VPS33A: variants seen among roughly 807,000 people sequenced by gnomAD.
VPS33A encodes vacuolar protein sorting-associated protein 33A.
In VPS33A, 32 loss-of-function variants were observed where a neutral mutation model predicts 71.8. The ratio of observed to expected loss-of-function variants is 0.45; its 90% confidence interval spans 0.34 to 0.60. VPS33A has a LOEUF of 0.60. VPS33A is among the 20% of genes least tolerant of loss of function. The probability of loss-of-function intolerance (pLI) is 0.02; values close to 1 mark genes in which losing one functional copy is unlikely to be tolerated. For synonymous variants in VPS33A, 311 were observed against 292.7 expected (o/e 1.06, Z -0.64); for missense variants, 625 against 748.5 (o/e 0.84, Z 1.92).
At chr12:122,251,150 C>T (rs1030037194) in intron 4 of VPS33A, 51 bp from the exon 5 acceptor site, 1 of 1,287,948 alleles carries the variant, frequency 7.8e-7, no homozygotes, top group African/African-American at 1.5e-5. Context: ...CTCCCAGGGG[C>T]CCATCTCTGT....
At position 122,238,996 on chromosome 12, in the gene VPS33A, TACAC is replaced by T. The variant is rs68026867; in HGVS notation, c.1165-276_1165-273del. Among the ~76,000 whole-genome samples the T allele has an allele frequency of 0.037, 5,136 of 137,112 alleles. 241 individuals carry two copies. Among genetic ancestry groups the T allele is most frequent in the African/African-American group, 0.11 (4,318 of 37,946 alleles). The allele number at this position is 137,112 out of a possible 152,430, so 90.0% of individuals were successfully genotyped here. A position where few individuals can be genotyped will look rare whatever the true frequency, so the allele number is the denominator to read the frequency against. The stretch of plus-strand genomic sequence containing the variant: ...CACACCCCACACACACATACATACA[TACAC>T]ACACACACACACACACACACACCCC... On this transcript the variant is annotated intron_variant, in intron 9 of 12. Transcript: ENST00000267199.
chr12:122,258,236 A>C (rs1182503112), intron 4 of VPS33A, among the ~76,000 whole-genome samples: 1 of 152,082 alleles, frequency 6.6e-6, no homozygotes, highest in Non-Finnish European at 1.5e-5. Context: ...AAAAAATAAA[A>C]AATTATAGAA....
At chr12:122,236,218 A>G (rs576595409) in intron 10 of VPS33A, among the ~76,000 whole-genome samples, 34 of 152,192 alleles carry the variant, frequency 2.2e-4, no homozygotes, top group Non-Finnish European at 4.3e-4. Context: ...ATGATAGTAT[A>G]TTTTTATAAG....
chr12:122,235,924 C>G lies in VPS33A; in HGVS notation c.1303-1G>C. 6.3e-7 allele frequency: 1 copy of G among 1,597,354 alleles called. No homozygotes were observed. The highest frequency in any genetic ancestry group is 8.5e-7 in the Non-Finnish European group (1 of 1,173,188). ...TCAATATGTGCTCATAGCCGTATGTCTGCAAGGGAAGTCATTTGGCCTTGA... is the reference window on the plus strand; with the variant it reads ...TCAATATGTGCTCATAGCCGTATGTGTGCAAGGGAAGTCATTTGGCCTTGA... On this transcript the variant is annotated splice_acceptor_variant, in intron 10 of 12. Transcript: ENST00000267199. LOFTEE classifies it high-confidence loss of function.
At position 122,261,557 on chromosome 12, in the gene VPS33A, C is replaced by T; in HGVS notation, c.297-110G>A. Reference sequence around the variant, plus strand: ...ATAGCAGGCACTAAATAAATGCTGGCTAGATAAATCATATAAATACTGACT... The same window carrying T: ...ATAGCAGGCACTAAATAAATGCTGGTTAGATAAATCATATAAATACTGACT... On this transcript the variant is annotated intron_variant, in intron 3 of 12. Coordinates refer to ENST00000267199, the MANE Select transcript of VPS33A (RefSeq NM_022916.6). 3.0e-6 allele frequency: 3 copies of T among 1,007,684 alleles called. No homozygotes were observed. The Admixed American group carries it at 7.1e-5, about 24-fold the overall frequency. The allele number at this position is 1,007,684 out of a possible 1,614,324, so 62.4% of individuals were successfully genotyped here. A position where few individuals can be genotyped will look rare whatever the true frequency, so the allele number is the denominator to read the frequency against.
intron 4 of VPS33A, among the ~76,000 whole-genome samples, chr12:122,259,288 C>G (rs1954961733): frequency 6.6e-6 from 1 of 151,964 alleles, no homozygotes; most frequent in South Asian, 2.1e-4. Flanking sequence ...GGCGTGATCT[C>G]AGCTCACTGT....
intron 4 of VPS33A, among the ~76,000 whole-genome samples, chr12:122,251,448 G>A (rs1022523183): frequency 1.3e-5 from 2 of 152,164 alleles, no homozygotes; most frequent in East Asian, 3.8e-4. Context: ...CCCATTCACT[G>A]GTGAGAGTAA....
At chr12:122,262,524 A>C (rs1955009509) in intron 3 of VPS33A, among the ~76,000 whole-genome samples, 1 of 152,030 alleles carries the variant, frequency 6.6e-6, no homozygotes, top group Admixed American at 6.6e-5. Flanking sequence ...GGGCTGCAAC[A>C]ATCAATTGTA....
At chr12:122,238,958 CCACA>C (rs137895749) in intron 9 of VPS33A, among the ~76,000 whole-genome samples, 5 of 144,060 alleles carry the variant, frequency 3.5e-5, no homozygotes, top group African/African-American at 1.0e-4. Flanking sequence ...ACCCTGGCCA[CCACA>C]CACACACACA....
chr12:122,241,490 A>G (rs957528537), intron 8 of VPS33A, among the ~76,000 whole-genome samples: 3 of 152,096 alleles, frequency 2.0e-5, no homozygotes, highest in African/African-American at 7.2e-5. Flanking sequence ...TTTTTAGTAC[A>G]GATGGTGTTC....
intron 10 of VPS33A, among the ~76,000 whole-genome samples, chr12:122,236,411 G>T (rs1566037870): frequency 6.6e-6 from 1 of 152,076 alleles, no homozygotes; most frequent in Non-Finnish European, 1.5e-5. Flanking sequence ...AGGCCGAGGC[G>T]GGCCAATCAC....
In VPS33A at chr12:122,232,473, C is replaced by T; in HGVS notation, c.1610-46G>A. On this transcript the variant is annotated intron_variant, in intron 12 of 12. Coordinates refer to ENST00000267199, the MANE Select transcript of VPS33A (RefSeq NM_022916.6). ...AATTAAAAACTATTTATTATTAATGCTTCTCTTCCCACCTCTTCAAACATT... is the reference window on the plus strand; with the variant it reads ...AATTAAAAACTATTTATTATTAATGTTTCTCTTCCCACCTCTTCAAACATT... 5 of 1,527,064 alleles carry T rather than the reference C, an allele frequency of 3.3e-6. 1 individual carries two copies. The African/African-American group carries it at 5.6e-5, about 17-fold the overall frequency. 94.6% of individuals were successfully genotyped at this position (1,527,064 alleles called of 1,614,324 possible). A position where few individuals can be genotyped will look rare whatever the true frequency, so the allele number is the denominator to read the frequency against.
intron 12 of VPS33A, 151 bp from the exon 13 acceptor site, chr12:122,232,578 A>T (rs958333574): frequency 3.9e-6 from 4 of 1,038,482 alleles, no homozygotes; most frequent in African/African-American, 3.2e-5. Flanking sequence ...TGATCTCAAC[A>T]TTTTTTTTTA....
chr12:122,250,756 A>G (rs1329195220), intron 5 of VPS33A, among the ~76,000 whole-genome samples: 1 of 152,236 alleles, frequency 6.6e-6, no homozygotes, highest in Non-Finnish European at 1.5e-5. Flanking sequence ...AGTTGGGAAC[A>G]TGCGCAGTGG....
chr12:122,248,033 A>G lies in VPS33A; in HGVS notation c.775+1838T>C, dbSNP rs147413069. On this transcript the variant is annotated intron_variant, in intron 6 of 12. Transcript: ENST00000267199. Reference sequence around the variant, plus strand: ...TGCCTCAGCCTCCTGAGTAGCTGGTACTACAGGCATGCGCCACCAAATCCA... The same window carrying G: ...TGCCTCAGCCTCCTGAGTAGCTGGTGCTACAGGCATGCGCCACCAAATCCA... 1,165 of 151,728 alleles carry G rather than the reference A, an allele frequency of 7.7e-3. 14 individuals carry two copies. Among genetic ancestry groups the G allele is most frequent in the African/African-American group, 0.026 (1,088 of 41,150 alleles). 9.4% of individuals were successfully genotyped at this position (151,728 alleles called of 1,614,324 possible).
At chr12:122,249,825 T>C in intron 6 of VPS33A, 46 bp downstream of exon 6, 2 of 1,541,722 alleles carry the variant, frequency 1.3e-6, no homozygotes, top group East Asian at 2.3e-5. Flanking sequence ...ACAAAGGATA[T>C]TCTTCTCATA....
intron 7 of VPS33A, 89 bp from the exon 8 acceptor site, chr12:122,242,597 G>C: frequency 6.9e-7 from 1 of 1,454,416 alleles, no homozygotes. Context: ...TTGTTGCCCA[G>C]GCTGGAGTGC....
intron 6 of VPS33A, chr12:122,248,097 T>C (rs1370564560): frequency 6.6e-6 from 1 of 151,936 alleles, no homozygotes; most frequent in Non-Finnish European, 1.5e-5. Flanking sequence ...TTTTTAGTAG[T>C]GATGGGGTTT....
rs560445182 is a variant in VPS33A, at chr12:122,260,288, T to G, written c.483+973A>C. Among the ~76,000 whole-genome samples the G allele has an allele frequency of 5.3e-5, 8 of 151,740 alleles. No homozygotes were observed. The East Asian group carries it at 1.5e-3, about 29-fold the overall frequency. ...GAGAATTTCATGGCATTGTGAGTTT[T>G]TTTTTTTGTTTTTTGTTTTTTGTTT... On this transcript the variant is annotated intron_variant, in intron 4 of 12. Coordinates refer to ENST00000267199, the MANE Select transcript of VPS33A (RefSeq NM_022916.6).
Sources: allele counts gnomAD v4.1 joint callset (sites outside exome capture counted in the v4.1 genomes callset), GRCh38; gene constraint gnomAD v4.1.1; transcripts MANE v1.5; gene names NCBI Gene and HGNC (gene_info 2026-07-23, HGNC 2026-07-21).